TTC7B: variants seen among roughly 807,000 people sequenced by gnomAD.
TTC7B encodes tetratricopeptide repeat domain 7B, also known as tetratricopeptide repeat protein 7B.
TTC7B carries 28 observed loss-of-function variants against 106.8 expected under a neutral mutation model. The observed-to-expected ratio is 0.26, with a 90% confidence interval of 0.19 to 0.36. The LOEUF is 0.36. Ranked by LOEUF, TTC7B falls within the 10% of genes least tolerant of loss-of-function variation. TTC7B has a pLI of 1.00. For synonymous variants in TTC7B, 405 were observed against 430.6 expected (o/e 0.94, Z 0.74); for missense variants, 862 against 1,076.4 (o/e 0.80, Z 2.79).
intron 18 of TTC7B, among the ~76,000 whole-genome samples, chr14:90,590,797 C>T (rs961769038): frequency 2.0e-5 from 3 of 152,212 alleles, no homozygotes; most frequent in Non-Finnish European, 4.4e-5. Context: ...TTGAAACAGT[C>T]GATATGGCAC....
At chr14:90,555,058 A>T (rs907141934) in intron 19 of TTC7B, among the ~76,000 whole-genome samples, 1 of 152,196 alleles carries the variant, frequency 6.6e-6, no homozygotes, top group Non-Finnish European at 1.5e-5. Context: ...CAAGCCAGGT[A>T]GACGTCAGGT....
At chr14:90,730,618 A>G (rs775931681) in intron 4 of TTC7B, among the ~76,000 whole-genome samples, 12 of 152,328 alleles carry the variant, frequency 7.9e-5, no homozygotes, top group African/African-American at 2.9e-4. Context: ...GCAGCCCTGC[A>G]TGAGCTTGAT....
chr14:90,557,687 T>C (rs1221795381), intron 19 of TTC7B, among the ~76,000 whole-genome samples: 1 of 152,214 alleles, frequency 6.6e-6, no homozygotes, highest in Non-Finnish European at 1.5e-5. Context: ...TGGAACCCCA[T>C]TCCCTGCCTA....
At chr14:90,732,440 T>A (rs1011936688) in intron 4 of TTC7B, among the ~76,000 whole-genome samples, 1 of 152,204 alleles carries the variant, frequency 6.6e-6, no homozygotes, top group Non-Finnish European at 1.5e-5. Context: ...GGCAGTGGCA[T>A]GACCATGGCT....
chr14:90,643,372 C>T (rs1885271120), intron 15 of TTC7B, among the ~76,000 whole-genome samples: 1 of 151,282 alleles, frequency 6.6e-6, no homozygotes, highest in Admixed American at 6.6e-5. Flanking sequence ...CATGCCACTG[C>T]ACTACAGACT....
At position 90,677,839 on chromosome 14, in the gene TTC7B, T is replaced by C. The variant is rs1160490789; in HGVS notation, c.1015-1179A>G. ...ACTTACTCACTTTAAAACTCCTTGC[T>C]GTTAAATGTCAAAGACAAATAAGAA... On this transcript the variant is annotated intron_variant, in intron 8 of 19. Transcript: ENST00000328459. 1.5e-5 allele frequency: 7 copies of C among 455,578 alleles called. No homozygotes were observed. The East Asian group carries it at 4.9e-4, about 32-fold the overall frequency. The allele number at this position is 455,578 out of a possible 1,614,324, so 28.2% of individuals were successfully genotyped here.
chr14:90,608,456 T>A lies in TTC7B; in HGVS notation c.1966+2286A>T, dbSNP rs1892739928. ...CGTGGATGACTCAACAATGAAACCGTCTGTGGCAGTGCCTGGGAGGCTGTG... is the reference window on the plus strand; with the variant it reads ...CGTGGATGACTCAACAATGAAACCGACTGTGGCAGTGCCTGGGAGGCTGTG... On this transcript the variant is annotated intron_variant, in intron 17 of 19. Coordinates refer to ENST00000328459, the MANE Select transcript of TTC7B (RefSeq NM_001010854.2). This position sits in a 1 kb window ranked among gnomAD's most constrained non-coding sequence, Gnocchi z 5.1. 6.6e-6 allele frequency among the ~76,000 whole-genome samples: 1 copy of A among 151,978 alleles called. No individual in the cohort carries two copies.
At chr14:90,774,109 G>C (rs371207185) in intron 3 of TTC7B, among the ~76,000 whole-genome samples, 2 of 152,154 alleles carry the variant, frequency 1.3e-5, no homozygotes, top group African/African-American at 4.8e-5. Flanking sequence ...TCTTCACCAT[G>C]GTCACTGGAT....
At chr14:90,794,050 G>A (rs1337281041) in intron 1 of TTC7B, among the ~76,000 whole-genome samples, 16 of 149,722 alleles carry the variant, frequency 1.1e-4, no homozygotes, top group Admixed American at 2.0e-4. Flanking sequence ...TTACAGGCAC[G>A]CGCCACCATA....
chr14:90,647,549 C>G (rs961130393), intron 13 of TTC7B: 1 of 155,240 alleles, frequency 6.4e-6, no homozygotes, highest in Non-Finnish European at 1.4e-5. Flanking sequence ...AAGAGAAAGG[C>G]ACTCATTCAG....
At chr14:90,766,444 A>G in intron 3 of TTC7B, 1 of 606,846 alleles carries the variant, frequency 1.6e-6, no homozygotes, top group East Asian at 2.7e-5. Flanking sequence ...CAAAATTGAA[A>G]TGTCAAAAAG....
intron 17 of TTC7B, among the ~76,000 whole-genome samples, chr14:90,598,473 G>T (rs73326816): frequency 3.9e-5 from 6 of 152,144 alleles, no homozygotes; most frequent in African/African-American, 1.4e-4. Flanking sequence ...GGGGTAAGGA[G>T]GGGGGAAGGC....
chr14:90,603,615 C>T (rs1026460488), intron 17 of TTC7B, among the ~76,000 whole-genome samples: 11 of 152,158 alleles, frequency 7.2e-5, no homozygotes, highest in Admixed American at 2.0e-4. Context: ...AATAATCAAA[C>T]AAGTGGGTTT....
At chr14:90,629,850 T>C (rs1884617194) in intron 15 of TTC7B, among the ~76,000 whole-genome samples, 1 of 152,214 alleles carries the variant, frequency 6.6e-6, no homozygotes, top group African/African-American at 2.4e-5. Context: ...TGCTCTCTCC[T>C]GTGGCTGACA....
At chr14:90,557,634 C>T (rs1890376662) in intron 19 of TTC7B, among the ~76,000 whole-genome samples, 1 of 152,236 alleles carries the variant, frequency 6.6e-6, no homozygotes, top group South Asian at 2.1e-4. Flanking sequence ...GCTGGAGTCT[C>T]CACCTCCAGC....
At chr14:90,809,672 CCTTA>C (rs1480808153) in intron 1 of TTC7B, among the ~76,000 whole-genome samples, 1 of 152,272 alleles carries the variant, frequency 6.6e-6, no homozygotes, top group African/African-American at 2.4e-5. Flanking sequence ...GGCCTGACTT[CCTTA>C]CTTACACCTG....
intron 17 of TTC7B, among the ~76,000 whole-genome samples, chr14:90,605,397 G>A (rs1892596801): frequency 6.6e-6 from 1 of 152,226 alleles, no homozygotes; most frequent in Admixed American, 6.5e-5. Context: ...TTTGCAAAGA[G>A]GAAGTTGAGG....
chr14:90,541,506 G>A lies in TTC7B; in HGVS notation c.2394C>T (p.His798=), dbSNP rs537489789. 17 of 1,614,040 alleles carry A rather than the reference G, an allele frequency of 1.1e-5. No homozygotes were observed. The highest frequency in any genetic ancestry group is 6.6e-5 in the South Asian group (6 of 91,072). Residue 798 remains histidine, a synonymous_variant, in exon 20 of 20, where the codon CAC becomes CAT. Transcript: ENST00000328459. ...RDAVQVNSTA[H]EVWNGLGEVL... is the part of the protein sequence containing the mutation. ...CCTCGCCCAGCCCGTTCCAGACCTC[G>A]TGGGCTGTCGAGTTCACCTGCACCG...
chr14:90,676,508 ACT>A lies in TTC7B; in HGVS notation c.1152+13_1152+14del. Reference sequence around the variant, plus strand: ...CACCCACCACCTGGATGTCAACCAGACTCAGCAGCTGTACCTCTGACAGCATC... The same window carrying A: ...CACCCACCACCTGGATGTCAACCAGACAGCAGCTGTACCTCTGACAGCATC... On this transcript the variant is annotated intron_variant, in intron 9 of 19. Transcript: ENST00000328459. The A allele has an allele frequency of 1.2e-6, 2 of 1,612,664 alleles. No individual in the cohort carries two copies. The highest frequency in any genetic ancestry group is 1.3e-5 in the African/African-American group (1 of 74,984).
Sources: allele counts gnomAD v4.1 joint callset (sites outside exome capture counted in the v4.1 genomes callset), GRCh38; gene constraint gnomAD v4.1.1; non-coding constraint Gnocchi (gnomAD v3.1); transcripts MANE v1.5; gene names NCBI Gene and HGNC (gene_info 2026-07-23, HGNC 2026-07-21).